Variants in ZMYND11 observed in about 807,000 individuals in gnomAD.
The protein encoded by ZMYND11 is zinc finger MYND domain-containing protein 11.
A neutral mutation model predicts 84.9 loss-of-function variants in ZMYND11; 9 were observed. That is an observed-to-expected ratio of 0.11 (90% CI 0.06 to 0.18). ZMYND11 has a LOEUF of 0.18. Ranked by LOEUF, ZMYND11 falls within the 10% of genes least tolerant of loss-of-function variation. ZMYND11 has a pLI of 1.00. For missense variants in ZMYND11, 409 were observed against 761.0 expected, an observed-to-expected ratio of 0.54 and a Z score of 5.44; for synonymous variants, 250 against 244.1, an observed-to-expected ratio of 1.02 and a Z score of -0.23.
chr10:179,865 T>A, intron 1 of ZMYND11, 129 bp from the exon 2 acceptor site: 2 of 504,332 alleles, frequency 4.0e-6, no homozygotes, highest in Non-Finnish European at 7.0e-6. Context: ...TAGAAAAAAA[T>A]AGAAAGTGGG....
chr10:204,972 G>C (rs1347296021), intron 2 of ZMYND11, among the ~76,000 whole-genome samples: 1 of 151,800 alleles, frequency 6.6e-6, no homozygotes, highest in Non-Finnish European at 1.5e-5. Context: ...TGTCTATGCT[G>C]TTTTGTGGGG....
At chr10:207,007 G>C (rs919067241) in intron 2 of ZMYND11, among the ~76,000 whole-genome samples, 1 of 151,854 alleles carries the variant, frequency 6.6e-6, no homozygotes, top group African/African-American at 2.4e-5. Flanking sequence ...CCCCACAACA[G>C]TCCCCAGAGT....
Position 247,390 on chromosome 10 carries a change from G to A in ZMYND11, c.1159-8G>A. Reference sequence around the variant, plus strand: ...TGGAATAATATATTACTTTTATAATGCCCACAGCTAAAGGTCACTCAAGAA... The same window carrying A: ...TGGAATAATATATTACTTTTATAATACCCACAGCTAAAGGTCACTCAAGAA... On this transcript the variant is annotated splice_region_variant and splice_polypyrimidine_tract_variant and intron_variant, in intron 11 of 14. Transcript: ENST00000381604. The A allele has an allele frequency of 1.2e-6, 2 of 1,613,798 alleles. No homozygotes were observed. Among genetic ancestry groups the A allele is most frequent in the Non-Finnish European group, 1.7e-6 (2 of 1,179,818 alleles).
chr10:238,178 C>T (rs1268297637), intron 6 of ZMYND11, among the ~76,000 whole-genome samples: 1 of 152,140 alleles, frequency 6.6e-6, no homozygotes, highest in African/African-American at 2.4e-5. Flanking sequence ...TTAGTTTGTT[C>T]ACGTCCAGTA....
At chr10:175,113 G>A (rs1049460456) in intron 1 of ZMYND11, among the ~76,000 whole-genome samples, 4 of 152,192 alleles carry the variant, frequency 2.6e-5, no homozygotes, top group Admixed American at 6.5e-5. Flanking sequence ...GGGTCATAAT[G>A]ATATGTCAGT....
chr10:240,484 C>T (rs1355117041), intron 8 of ZMYND11, among the ~76,000 whole-genome samples: 1 of 152,154 alleles, frequency 6.6e-6, no homozygotes, highest in Non-Finnish European at 1.5e-5. Flanking sequence ...AGCCTGGTGA[C>T]AAAATGAGAT....
chr10:147,694 A>G (rs1465533121), intron 1 of ZMYND11: 5 of 150,646 alleles, frequency 3.3e-5, no homozygotes, highest in African/African-American at 1.2e-4. Context: ...ATCTTTTTGG[A>G]TTCCTCAAAC....
intron 1 of ZMYND11, among the ~76,000 whole-genome samples, chr10:152,802 A>G (rs948173215): frequency 3.9e-5 from 6 of 152,228 alleles, no homozygotes; most frequent in Non-Finnish European, 5.9e-5. Context: ...AATTGACCAC[A>G]TAGTTGGAAG....
At chr10:210,176 A>T in intron 3 of ZMYND11, 128 bp downstream of exon 3, 1 of 1,032,072 alleles carries the variant, frequency 9.7e-7, no homozygotes, top group Non-Finnish European at 1.4e-6. Flanking sequence ...ATCAACATTA[A>T]GGCTCTACAT....
chr10:170,139 GA>G (rs1230705060), intron 1 of ZMYND11, among the ~76,000 whole-genome samples: 2 of 151,980 alleles, frequency 1.3e-5, no homozygotes, highest in South Asian at 4.1e-4. Context: ...AATGTTGAAA[GA>G]AAAAACCCCA....
intron 2 of ZMYND11, among the ~76,000 whole-genome samples, chr10:204,111 G>T (rs896293058): frequency 6.6e-6 from 1 of 151,996 alleles, no homozygotes; most frequent in African/African-American, 2.4e-5. Flanking sequence ...ACAATTGTGT[G>T]GTTTTGTTGT....
In ZMYND11 at chr10:135,694, C is replaced by T. The variant is rs1554751776; in HGVS notation, c.-20+135C>T. The T allele has an allele frequency of 1.3e-5, 2 of 148,760 alleles. No individual in the cohort carries two copies. The highest frequency in any genetic ancestry group is 4.9e-5 in the African/African-American group (2 of 40,702). The allele number at this position is 148,760 out of a possible 1,614,324, so 9.2% of individuals were successfully genotyped here. On this transcript the variant is annotated intron_variant, in intron 1 of 14. Coordinates refer to ENST00000381604, the MANE Select transcript of ZMYND11 (RefSeq NM_001370100.5). This position sits in a 1 kb window ranked among gnomAD's most constrained non-coding sequence, Gnocchi z 5.6. ...ACCAGTGGGTGCTGACGGTCGCTCG[C>T]CCGCTCGCGAAGAGCTCCGAGCTGC...
intron 1 of ZMYND11, among the ~76,000 whole-genome samples, chr10:160,135 G>T (rs1365548642): frequency 6.6e-6 from 1 of 152,086 alleles, no homozygotes; most frequent in Non-Finnish European, 1.5e-5. Context: ...GTATACAGGC[G>T]TACCCTGGAT....
upstream of ZMYND11, among the ~76,000 whole-genome samples, chr10:131,191 T>C (rs1835305475): frequency 6.6e-6 from 1 of 152,208 alleles, no homozygotes; most frequent in Non-Finnish European, 1.5e-5. Context: ...GGCACACACA[T>C]ACACAAACAT....
In ZMYND11 at chr10:254,495, A is replaced by G. The variant is rs1229202239; in HGVS notation, c.*2025A>G. 6.5e-6 allele frequency: 1 copy of G among 152,678 alleles called. No homozygotes were observed. Among genetic ancestry groups the G allele is most frequent in the Admixed American group, 6.5e-5 (1 of 15,282 alleles). The allele number at this position is 152,678 out of a possible 1,614,324, so 9.5% of individuals were successfully genotyped here. The stretch of plus-strand genomic sequence containing the variant: ...AAAGCTATATCGAGGTGTTGAGCTT[A>G]GCCACTATGCACATTGTAATTATTC... On this transcript the variant is annotated 3_prime_UTR_variant, in exon 15 of 15. Coordinates refer to ENST00000381604, the MANE Select transcript of ZMYND11 (RefSeq NM_001370100.5).
chr10:236,749 T>G, intron 4 of ZMYND11, 89 bp from the exon 5 acceptor site: 1 of 1,106,504 alleles, frequency 9.0e-7, no homozygotes, highest in Non-Finnish European at 1.3e-6. Context: ...TTGCATACTA[T>G]CTAAGTGTTT....
At position 230,489 on chromosome 10, in the gene ZMYND11, A is replaced by C. The variant is rs895762388; in HGVS notation, c.439-6349A>C. ...CTCAGTCTCAAAAAAAAAAAAAAAAAAAAAAAAAAAAACTACAGCCTCCAG... is the reference window on the plus strand; with the variant it reads ...CTCAGTCTCAAAAAAAAAAAAAAAACAAAAAAAAAAAACTACAGCCTCCAG... On this transcript the variant is annotated intron_variant, in intron 4 of 14. Coordinates refer to ENST00000381604, the MANE Select transcript of ZMYND11 (RefSeq NM_001370100.5). Among the ~76,000 whole-genome samples, 4 of 150,652 alleles carry C rather than the reference A, an allele frequency of 2.7e-5. 1 individual carries two copies. The highest frequency in any genetic ancestry group is 3.9e-4 in the East Asian group (2 of 5,148).
chr10:195,065 G>A (rs1344403933), intron 2 of ZMYND11, among the ~76,000 whole-genome samples: 4 of 152,182 alleles, frequency 2.6e-5, no homozygotes, highest in African/African-American at 9.7e-5. Flanking sequence ...GAGACATCGT[G>A]TATACAGATG....
upstream of ZMYND11, among the ~76,000 whole-genome samples, chr10:132,318 T>A (rs551751537): frequency 1.3e-5 from 2 of 150,314 alleles, no homozygotes; most frequent in Non-Finnish European, 3.0e-5. Context: ...TATATTTTAT[T>A]GGTCTCTGAG....
Sources: gnomAD v4.1 joint callset for allele counts (sites outside exome capture counted in the v4.1 genomes callset) on GRCh38, gnomAD v4.1.1 for gene constraint, Gnocchi (gnomAD v3.1) non-coding constraint, MANE v1.5 for transcripts, NCBI Gene and HGNC (gene_info 2026-07-23, HGNC 2026-07-21) for gene names.